Variants in NUMB observed in about 807,000 individuals in gnomAD.
The protein encoded by NUMB is NUMB endocytic adaptor protein.
In NUMB, 29 loss-of-function variants were observed where a neutral mutation model predicts 59.7. The ratio of observed to expected loss-of-function variants is 0.49; its 90% confidence interval spans 0.36 to 0.66. NUMB has a LOEUF of 0.66. NUMB is among the 30% of genes least tolerant of loss of function. The pLI is 0.00. For missense variants in NUMB, 723 were observed against 822.0 expected (o/e 0.88, Z 1.47); for synonymous variants, 288 against 288.2 (o/e 1.00, Z 0.01).
rs1302030291 is a variant in NUMB, at chr14:73,339,805, G to A, written c.126+15821C>T. Among the ~76,000 whole-genome samples, 6 of 152,134 alleles carry A rather than the reference G, an allele frequency of 3.9e-5. No individual in the cohort carries two copies. The East Asian group carries it at 1.2e-3, about 29-fold the overall frequency. On this transcript the variant is annotated intron_variant, in intron 4 of 12. Transcript: ENST00000555238. The stretch of plus-strand genomic sequence containing the variant: ...TGTTTGTTTTTTAGAACTGGCAAAG[G>A]CTATTTATTCAGAGCTTGCTAGCAA...
chr14:73,316,563 A>C lies in NUMB; in HGVS notation c.202-141T>G. The C allele has an allele frequency of 1.6e-5, 11 of 706,492 alleles. 1 individual carries two copies. In the South Asian group the frequency reaches 2.0e-4, roughly 13 times the overall value. 43.8% of individuals were successfully genotyped at this position (706,492 alleles called of 1,614,324 possible). On this transcript the variant is annotated intron_variant, in intron 5 of 12. Transcript: ENST00000555238. ...GGGAGTGAGTTTCAAAGAGTTATCC[A>C]CACCAGGAGTGACAGGGAAAAAGGA... is the stretch of plus-strand genomic sequence containing the variant.
intron 1 of NUMB, among the ~76,000 whole-genome samples, chr14:73,425,809 A>AT (rs71112753): frequency 0.24 from 32,663 of 138,112 alleles, 4,104 homozygotes; most frequent in Admixed American, 0.26. Context: ...ATTTTATTTA[A>AT]TTTTTTTTTT....
Position 73,424,851 on chromosome 14 carries a change from A to C in NUMB, c.-232-14783T>G, listed in dbSNP as rs547414562. 2.0e-5 allele frequency among the ~76,000 whole-genome samples: 3 copies of C among 152,370 alleles called. No individual in the cohort carries two copies. The East Asian group carries it at 5.8e-4, about 29-fold the overall frequency. Reference sequence around the variant, plus strand: ...ATTTATAAAGAAAAAATAATAATGCATGCTTCTGGATTCATGGTTCAAGTT... The same window carrying C: ...ATTTATAAAGAAAAAATAATAATGCCTGCTTCTGGATTCATGGTTCAAGTT... On this transcript the variant is annotated intron_variant, in intron 1 of 12. Transcript: ENST00000555238.
chr14:73,401,350 C>A (rs993863364), intron 2 of NUMB, among the ~76,000 whole-genome samples: 3 of 150,918 alleles, frequency 2.0e-5, no homozygotes, highest in Non-Finnish European at 4.4e-5. Flanking sequence ...TTTTTTTGCT[C>A]AATTTTGCTA....
chr14:73,377,737 C>T (rs542325079), intron 2 of NUMB, among the ~76,000 whole-genome samples: 8 of 152,274 alleles, frequency 5.3e-5, no homozygotes, highest in African/African-American at 1.7e-4. Flanking sequence ...GAGGCCAAGG[C>T]GGGCAGATCA....
At chr14:73,389,272 CAAAAAAAA>C (rs869074049) in intron 2 of NUMB, among the ~76,000 whole-genome samples, 4 of 66,478 alleles carry the variant, frequency 6.0e-5, no homozygotes, top group Non-Finnish European at 8.5e-5. Context: ...CTCCATCTCT[CAAAAAAAA>C]AAAAAAAAAA....
At chr14:73,278,052 A>AAAAC (rs1338249718) in intron 12 of NUMB, among the ~76,000 whole-genome samples, 37 of 148,088 alleles carry the variant, frequency 2.5e-4, no homozygotes, top group Non-Finnish European at 4.2e-4. Context: ...TCTCAAAAAA[A>AAAAC]AAAAAAAAAA....
At chr14:73,313,591 A>G (rs997543668) in intron 6 of NUMB, among the ~76,000 whole-genome samples, 5 of 150,040 alleles carry the variant, frequency 3.3e-5, no homozygotes, top group Admixed American at 6.7e-5. Flanking sequence ...TATATAAAAC[A>G]CAAATAACTT....
At chr14:73,422,141 CA>C (rs11336678) in intron 1 of NUMB, among the ~76,000 whole-genome samples, 88,997 of 146,496 alleles carry the variant, frequency 0.61, 28,284 homozygotes, top group African/African-American at 0.83. Context: ...GAGACTTCGT[CA>C]AAAAAAAAAA....
At chr14:73,393,172 C>T (rs1484141220) in intron 2 of NUMB, among the ~76,000 whole-genome samples, 1 of 152,154 alleles carries the variant, frequency 6.6e-6, no homozygotes, top group East Asian at 1.9e-4. Flanking sequence ...TATCACATTG[C>T]ATTTAATCCT....
At chr14:73,346,634 C>T (rs895427873) in intron 4 of NUMB, among the ~76,000 whole-genome samples, 3 of 152,136 alleles carry the variant, frequency 2.0e-5, no homozygotes, top group African/African-American at 7.2e-5. Context: ...GCCGCAGTTG[C>T]ACTTTATTAT....
intron 4 of NUMB, among the ~76,000 whole-genome samples, chr14:73,345,862 C>A (rs1009875250): frequency 1.3e-5 from 2 of 151,748 alleles, no homozygotes; most frequent in Non-Finnish European, 2.9e-5. Context: ...GAGCCGAGAT[C>A]GCACCAGTGT....
intron 6 of NUMB, among the ~76,000 whole-genome samples, chr14:73,313,190 C>T (rs1478317572): frequency 1.3e-5 from 2 of 151,942 alleles, no homozygotes; most frequent in African/African-American, 4.8e-5. Flanking sequence ...GGATTTCACC[C>T]TGTTGGTCAG....
At chr14:73,367,342 T>TAGAGAGAGAGAGAGAGAGAG (rs1350365792) in intron 2 of NUMB, among the ~76,000 whole-genome samples, 3 of 78,622 alleles carry the variant, frequency 3.8e-5, no homozygotes, top group Non-Finnish European at 4.4e-5. Context: ...TATATATATA[T>TAGAGAGAGAGAGAGAGAGAG]ATATATAGAG....
chr14:73,293,647 T>C (rs1037153134), intron 7 of NUMB, among the ~76,000 whole-genome samples: 3 of 152,346 alleles, frequency 2.0e-5, no homozygotes, highest in Non-Finnish European at 4.4e-5. Context: ...TGCCTTGGCC[T>C]CCCAAAGTGC....
In NUMB at chr14:73,367,346, T is replaced by TAGAGAGAGAG. The variant is rs1288750867; in HGVS notation, c.-100-366_-100-365insCTCTCTCTCT. On this transcript the variant is annotated intron_variant, in intron 2 of 12. Coordinates refer to ENST00000555238, the MANE Select transcript of NUMB (RefSeq NM_001005743.2). The stretch of plus-strand genomic sequence containing the variant: ...ACATATATACATATATATATATATA[T>TAGAGAGAGAG]ATAGAGAGAGAGAGAGAGAGAGAGA... 3.0e-3 allele frequency among the ~76,000 whole-genome samples: 272 copies of TAGAGAGAGAG among 91,228 alleles called. 1 individual carries two copies. Among genetic ancestry groups the TAGAGAGAGAG allele is most frequent in the African/African-American group, 0.012 (176 of 15,112 alleles). 59.8% of individuals were successfully genotyped at this position (91,228 alleles called of 152,430 possible).
At chr14:73,452,806 AG>A (rs34807943) in intron 1 of NUMB, among the ~76,000 whole-genome samples, 1,924 of 152,314 alleles carry the variant, frequency 0.013, 23 homozygotes, top group Middle Eastern at 0.024. Flanking sequence ...CTCATCCTCT[AG>A]GACTACCACT....
At position 73,398,338 on chromosome 14, in the gene NUMB, T is replaced by G. The variant is rs1455875980; in HGVS notation, c.-101+11599A>C. On this transcript the variant is annotated intron_variant, in intron 2 of 12. Coordinates refer to ENST00000555238, the MANE Select transcript of NUMB (RefSeq NM_001005743.2). Reference sequence around the variant, plus strand: ...GAAAGGAAAAAATGTAAGAAAACTGTGTATATAATCCCATTAATAAACTAC... The same window carrying G: ...GAAAGGAAAAAATGTAAGAAAACTGGGTATATAATCCCATTAATAAACTAC... Among the ~76,000 whole-genome samples, 3 of 151,958 alleles carry G rather than the reference T, an allele frequency of 2.0e-5. 1 individual carries two copies. The highest frequency in any genetic ancestry group is 1.3e-4 in the Admixed American group (2 of 15,242).
At chr14:73,317,890 G>A (rs1891174319) in intron 5 of NUMB, among the ~76,000 whole-genome samples, 1 of 152,128 alleles carries the variant, frequency 6.6e-6, no homozygotes, top group East Asian at 1.9e-4. Context: ...AAATGTCTAG[G>A]AAAAGATAAT....
Sources: allele counts gnomAD v4.1 joint callset (sites outside exome capture counted in the v4.1 genomes callset), GRCh38; gene constraint gnomAD v4.1.1; transcripts MANE v1.5; gene names NCBI Gene and HGNC (gene_info 2026-07-23, HGNC 2026-07-21).